KRT4: variants seen among roughly 807,000 people sequenced by gnomAD.
KRT4 encodes the protein keratin 4, also known as keratin, type II cytoskeletal 4.
A neutral mutation model predicts 50.6 loss-of-function variants in KRT4; 47 were observed. The ratio of observed to expected loss-of-function variants is 0.93; its 90% CI spans 0.73 to 1.18. The LOEUF (loss-of-function observed/expected upper bound fraction) is 1.18, where lower values mean the gene tolerates loss of function less well. KRT4 is among the 50% of genes most tolerant of loss of function. The pLI, the probability that KRT4 is intolerant of heterozygous loss-of-function variation, is 0.00. For missense variants in KRT4, 651 were observed against 645.7 expected, an observed-to-expected ratio of 1.01 and a Z score of -0.09; for synonymous variants, 254 against 251.2, an observed-to-expected ratio of 1.01 and a Z score of -0.10.
In KRT4 at chr12:52,810,036, A is replaced by G. The variant is rs536112372; in HGVS notation, c.739-558T>C. 4.6e-5 allele frequency among the ~76,000 whole-genome samples: 7 copies of G among 152,306 alleles called. No homozygotes were observed. The South Asian group carries it at 1.2e-3, about 27-fold the overall frequency. ...ACAAATAACACATGTCCTCACTTATAAGTGGGAGCTAAATCATGTGTACAT... is the reference window on the plus strand; with the variant it reads ...ACAAATAACACATGTCCTCACTTATGAGTGGGAGCTAAATCATGTGTACAT... On this transcript the variant is annotated intron_variant, in intron 3 of 8. Transcript: ENST00000551956.
At position 52,813,701 on chromosome 12, in the gene KRT4, T is replaced by A; in HGVS notation, c.358A>T (p.Thr120Ser). The stretch of plus-strand genomic sequence containing the variant: ...GGGTCAATCTCCACGTGGAGGGGGG[T>A]GAGCAAGCTCTGGTTGATGGTGACC... ...QEVTINQSLL[T>S]PLHVEIDPEI... is the part of the protein sequence containing the mutation. Residue 120 changes from threonine to serine, a missense_variant, in exon 1 of 9, where the codon ACC becomes TCC. Transcript: ENST00000551956. 1 of 1,399,798 alleles carries A rather than the reference T, an allele frequency of 7.1e-7. No individual in the cohort carries two copies. The allele number at this position is 1,399,798 out of a possible 1,614,324, so 86.7% of individuals were successfully genotyped here.
intron 1 of KRT4, among the ~76,000 whole-genome samples, chr12:52,812,956 C>T (rs962105221): frequency 1.3e-5 from 2 of 152,172 alleles, no homozygotes; most frequent in African/African-American, 4.8e-5. Context: ...GGCTGCACTG[C>T]TCACTATCAT....
At chr12:52,810,616 C>A in intron 3 of KRT4, 140 bp downstream of exon 3, 2 of 735,988 alleles carry the variant, frequency 2.7e-6, no homozygotes, top group Non-Finnish European at 4.8e-6. Flanking sequence ...TACCCACTTT[C>A]CTTGACTATA....
chr12:52,808,347 G>C lies in KRT4; in HGVS notation c.1072C>G (p.Leu358Val), dbSNP rs1939839883. Residue 358 changes from leucine to valine, a missense_variant, in exon 6 of 9, where the codon CTC becomes GTC. Coordinates refer to ENST00000551956, the MANE Select transcript of KRT4 (RefSeq NM_002272.4). ...CGCAGCCTCTGGATCATCCTGTTGAGCTCTGCAATTTCACTCTTGGTGTTC... is the reference window on the plus strand; with the variant it reads ...CGCAGCCTCTGGATCATCCTGTTGACCTCTGCAATTTCACTCTTGGTGTTC... ...LKNTKSEIAE[L>V]NRMIQRLRAE... 3 of 1,614,090 alleles carry C rather than the reference G, an allele frequency of 1.9e-6. No homozygotes were observed. The highest frequency in any genetic ancestry group is 2.2e-5 in the East Asian group (1 of 44,868).
intron 2 of KRT4, 57 bp downstream of exon 2, chr12:52,811,706 C>T: frequency 7.0e-7 from 1 of 1,426,944 alleles, no homozygotes. Flanking sequence ...GCCCCGGGAG[C>T]CTGGGTGTGG....
intron 5 of KRT4, 89 bp from the exon 6 acceptor site, chr12:52,808,508 G>A: frequency 6.3e-7 from 1 of 1,585,558 alleles, no homozygotes; most frequent in South Asian, 1.1e-5. Flanking sequence ...ATTGCCACAG[G>A]TGGCAAGAAT....
intron 1 of KRT4, 119 bp from the exon 2 acceptor site, chr12:52,812,096 T>C (rs1010134815): frequency 2.6e-6 from 2 of 761,734 alleles, no homozygotes; most frequent in African/African-American, 3.5e-5. Context: ...ACCACCCAAG[T>C]AGGGCCACTA....
chr12:52,808,548 G>C (rs1939848587), intron 5 of KRT4, 129 bp from the exon 6 acceptor site: 1 of 1,504,254 alleles, frequency 6.6e-7, no homozygotes, highest in East Asian at 2.3e-5. Context: ...TTTCAAATCA[G>C]ACCAGGACCA....
At chr12:52,811,616 G>T (rs1480218530) in intron 2 of KRT4, 147 bp downstream of exon 2, 2 of 683,420 alleles carry the variant, frequency 2.9e-6, no homozygotes, top group Non-Finnish European at 5.2e-6. Context: ...GAGAAAACGT[G>T]ACTATGTGGA....
chr12:52,811,398 C>G (rs547989979), intron 2 of KRT4: 71 of 288,814 alleles, frequency 2.5e-4, no homozygotes, highest in African/African-American at 1.2e-3. Context: ...AGAGGTTCAG[C>G]TATTTACCCA....
rs1007522747 is a variant in KRT4, at chr12:52,806,647, G to T, written c.*422C>A. 2 of 272,882 alleles carry T rather than the reference G, an allele frequency of 7.3e-6. No individual in the cohort carries two copies. Among genetic ancestry groups the T allele is most frequent in the African/African-American group, 4.3e-5 (2 of 46,182 alleles). The allele number at this position is 272,882 out of a possible 1,614,324, so 16.9% of individuals were successfully genotyped here. On this transcript the variant is annotated 3_prime_UTR_variant, in exon 9 of 9. Transcript: ENST00000551956. The stretch of plus-strand genomic sequence containing the variant: ...ACTAAGTGGTTCTCATCCTAAGCTT[G>T]CAGGGCCAAGTGCTGCCGGGTGTTG...
chr12:52,806,706 T>C lies in KRT4; in HGVS notation c.*363A>G. On this transcript the variant is annotated 3_prime_UTR_variant, in exon 9 of 9. Transcript: ENST00000551956. ...GTTTGGTTCTGATGTAGATGGATAA[T>C]ACAGGATCTAGTGGGAGATGGCATT... 1 of 362,076 alleles carries C rather than the reference T, an allele frequency of 2.8e-6. No homozygotes were observed. The highest frequency in any genetic ancestry group is 2.5e-5 in the South Asian group (1 of 40,744). The allele number at this position is 362,076 out of a possible 1,614,324, so 22.4% of individuals were successfully genotyped here. A position where few individuals can be genotyped will look rare whatever the true frequency, so the allele number is the denominator to read the frequency against.
intron 1 of KRT4, 111 bp downstream of exon 1, chr12:52,813,486 C>T: frequency 1.1e-6 from 1 of 926,902 alleles, no homozygotes; most frequent in Non-Finnish European, 1.8e-6. Flanking sequence ...AATTGGGGCC[C>T]AGGGAAGTTC....
intron 4 of KRT4, chr12:52,809,113 C>T: frequency 3.2e-6 from 2 of 618,690 alleles, no homozygotes; most frequent in Non-Finnish European, 5.7e-6. Context: ...GGATCCATTT[C>T]ACCAGAAAAA....
chr12:52,808,496 G>A (rs1032848652), intron 5 of KRT4, 77 bp from the exon 6 acceptor site: 1 of 1,597,764 alleles, frequency 6.3e-7, no homozygotes. Context: ...AACTCAGTGA[G>A]AATTGCCACA....
chr12:52,807,361 A>T lies in KRT4; in HGVS notation c.1379T>A (p.Ile460Asn). ...MSGECQSAVS[I>N]SVVSGSTSTG... is the part of the protein sequence containing the mutation. ...CAGCAGGCGTGGAAGGTACTTACAG[A>T]TGCTCACGGCACTCTGGCATTCTCC... Residue 460 changes from isoleucine (I) to asparagine (N), a missense_variant and splice_region_variant, in exon 8 of 9, where the codon ATC becomes AAC. By Grantham distance (149) the Ile-to-Asn change is moderately radical. Transcript: ENST00000551956. 1 of 1,614,212 alleles carries T rather than the reference A, an allele frequency of 6.2e-7. No homozygotes were observed. Among genetic ancestry groups the T allele is most frequent in the Non-Finnish European group, 8.5e-7 (1 of 1,180,038 alleles).
chr12:52,810,210 A>G (rs1565684413), intron 3 of KRT4, among the ~76,000 whole-genome samples: 1 of 152,190 alleles, frequency 6.6e-6, no homozygotes, highest in Non-Finnish European at 1.5e-5. Context: ...CACAACACAA[A>G]CTATCCACGT....
intron 3 of KRT4, among the ~76,000 whole-genome samples, chr12:52,810,112 G>T (rs1939882752): frequency 6.6e-6 from 1 of 151,874 alleles, no homozygotes; most frequent in Non-Finnish European, 1.5e-5. Context: ...AAAAGGGAGG[G>T]CTGGGAGGGG....
At chr12:52,812,651 A>C (rs1565685290) in intron 1 of KRT4, among the ~76,000 whole-genome samples, 1 of 152,194 alleles carries the variant, frequency 6.6e-6, no homozygotes, top group Non-Finnish European at 1.5e-5. Context: ...TCACATTTTG[A>C]ACCCAAAAGG....
Sources: gnomAD v4.1 joint callset for allele counts (sites outside exome capture counted in the v4.1 genomes callset) on GRCh38, gnomAD v4.1.1 for gene constraint, MANE v1.5 for transcripts, NCBI Gene and HGNC (gene_info 2026-07-23, HGNC 2026-07-21) for gene names.